The following PDCD4 variants were observed in gnomAD, a reference collection of about 807,000 sequenced individuals.
The protein encoded by PDCD4 is programmed cell death 4, also known as programmed cell death protein 4.
PDCD4 carries 56 observed loss-of-function variants against 54.0 expected under a neutral mutation model. The observed-to-expected ratio is 1.04, with a 90% confidence interval of 0.84 to 1.30. The LOEUF is 1.30. Among genes scored for constraint, PDCD4 ranks in the 50% most tolerant of loss-of-function variants. PDCD4 has a pLI of 0.00. For missense variants in PDCD4, 584 were observed against 559.8 expected (o/e 1.04, Z -0.44); for synonymous variants, 186 against 194.8 (o/e 0.95, Z 0.37).
At chr10:110,886,811 T>C (rs1845676002) in intron 5 of PDCD4, among the ~76,000 whole-genome samples, 3 of 152,188 alleles carry the variant, frequency 2.0e-5, no homozygotes, top group Admixed American at 1.3e-4. Flanking sequence ...GCTATTATAT[T>C]TCTAAAAGGA....
Position 110,898,121 on chromosome 10 carries a change from A to C in PDCD4, c.*33A>C. ...AACTCTTGCAGTCTTAGATGTTATA[A>C]AAATATATATCTGAATTGTAAGAGT... is the stretch of plus-strand genomic sequence containing the variant. On this transcript the variant is annotated 3_prime_UTR_variant, in exon 12 of 12. Coordinates refer to ENST00000280154, the MANE Select transcript of PDCD4 (RefSeq NM_014456.5). 7.7e-7 allele frequency: 1 copy of C among 1,291,222 alleles called. No homozygotes were observed. The highest frequency in any genetic ancestry group is 1.1e-6 in the Non-Finnish European group (1 of 948,280). 80.0% of individuals were successfully genotyped at this position (1,291,222 alleles called of 1,614,324 possible). A position where few individuals can be genotyped will look rare whatever the true frequency, so the allele number is the denominator to read the frequency against.
chr10:110,877,473 G>A (rs1845523307), intron 2 of PDCD4, among the ~76,000 whole-genome samples: 1 of 152,010 alleles, frequency 6.6e-6, no homozygotes, highest in Non-Finnish European at 1.5e-5. Flanking sequence ...GAGATGATAT[G>A]GTTATATTAG....
At chr10:110,874,772 T>C (rs1040404768) in intron 1 of PDCD4, among the ~76,000 whole-genome samples, 8 of 152,140 alleles carry the variant, frequency 5.3e-5, no homozygotes, top group African/African-American at 1.7e-4. Context: ...TATAAACTTA[T>C]GTTAGCAAAT....
At chr10:110,892,923 T>G (rs1845777195) in intron 8 of PDCD4, among the ~76,000 whole-genome samples, 1 of 152,140 alleles carries the variant, frequency 6.6e-6, no homozygotes. Context: ...TTACACTGTT[T>G]TTTATTGTAC....
Position 110,876,081 on chromosome 10 carries a change from A to T in PDCD4, c.43+11A>T, listed in dbSNP as rs745451594. The T allele has an allele frequency of 1.9e-6, 3 of 1,601,924 alleles. No homozygotes were observed. In the African/African-American group the frequency reaches 4.1e-5, roughly 22 times the overall value. On this transcript the variant is annotated intron_variant, in intron 2 of 11. Coordinates refer to ENST00000280154, the MANE Select transcript of PDCD4 (RefSeq NM_014456.5). ...ATGTAAACCCTGCAGGTAAGTAAGG[A>T]TATCCTTTTTTCTTTTTTTCTTCGT...
rs1465374036 is a variant in PDCD4 at position 110,887,729 on chromosome 10, T to TA, written c.621dup (p.Ala208SerfsTer7). On this transcript the variant is annotated frameshift_variant, in exon 6 of 12. Coordinates refer to ENST00000280154, the MANE Select transcript of PDCD4 (RefSeq NM_014456.5). LOFTEE classifies it high-confidence loss of function. ...GGAGTACCAGTGTTGGCAGTATCCT[T>TA]AGCATTGGAGGGGAAGGCTAGTCAT... 1 of 1,613,528 alleles carries TA rather than the reference T, an allele frequency of 6.2e-7. No homozygotes were observed. The highest frequency in any genetic ancestry group is 8.5e-7 in the Non-Finnish European group (1 of 1,179,588).
At chr10:110,885,446 TCTTGGGTCA>T in intron 5 of PDCD4, 80 bp downstream of exon 5, 1 of 612,324 alleles carries the variant, frequency 1.6e-6, no homozygotes, top group East Asian at 2.9e-5. Context: ...TCTACAATGA[TCTTGGGTCA>T]CTGAATAAAT....
rs1455657915 is a variant in PDCD4 at position 110,890,536 on chromosome 10, A to G, written c.876-20A>G. On this transcript the variant is annotated intron_variant, in intron 7 of 11. Coordinates refer to ENST00000280154, the MANE Select transcript of PDCD4 (RefSeq NM_014456.5). ...AGGTATGTCCAGCTATCAAACTTAAATTTTTTTCTTTCTCTGTAGAGCTGC... is the reference window on the plus strand; with the variant it reads ...AGGTATGTCCAGCTATCAAACTTAAGTTTTTTTCTTTCTCTGTAGAGCTGC... 6.6e-7 allele frequency: 1 copy of G among 1,517,280 alleles called. No individual in the cohort carries two copies. Among genetic ancestry groups the G allele is most frequent in the East Asian group, 2.3e-5 (1 of 43,602 alleles). 94.0% of individuals were successfully genotyped at this position (1,517,280 alleles called of 1,614,324 possible).
chr10:110,873,704 C>A (rs1010873678), intron 1 of PDCD4, among the ~76,000 whole-genome samples: 5 of 152,058 alleles, frequency 3.3e-5, no homozygotes, highest in Admixed American at 6.6e-5. Context: ...TGGAAAAAAT[C>A]CTACTACTTT....
In PDCD4 at chr10:110,896,115, A is replaced by G. The variant is rs1322375980; in HGVS notation, c.1349+28A>G. The G allele has an allele frequency of 6.6e-6, 10 of 1,525,936 alleles. No homozygotes were observed. The East Asian group carries it at 6.8e-5, about 10-fold the overall frequency. 94.5% of individuals were successfully genotyped at this position (1,525,936 alleles called of 1,614,324 possible). On this transcript the variant is annotated intron_variant, in intron 11 of 11. Coordinates refer to ENST00000280154, the MANE Select transcript of PDCD4 (RefSeq NM_014456.5). The stretch of plus-strand genomic sequence containing the variant: ...ACTTTATTTAAATACTACTTTCTCA[A>G]TGTAAAATAGTGGATGAGATCTTTG...
intron 6 of PDCD4, among the ~76,000 whole-genome samples, chr10:110,888,582 G>C (rs539417302): frequency 6.6e-6 from 1 of 152,090 alleles, no homozygotes; most frequent in Admixed American, 6.5e-5. Context: ...AACTGCTACT[G>C]GTGTTAAGTT....
intron 2 of PDCD4, among the ~76,000 whole-genome samples, chr10:110,878,308 TGAAAG>T (rs917633954): frequency 2.6e-5 from 4 of 152,286 alleles, no homozygotes; most frequent in African/African-American, 9.6e-5. Flanking sequence ...CAAACATACT[TGAAAG>T]GATGTTAAAA....
At chr10:110,897,198 A>G (rs1845850801) in intron 11 of PDCD4, among the ~76,000 whole-genome samples, 2 of 152,212 alleles carry the variant, frequency 1.3e-5, no homozygotes, top group African/African-American at 2.4e-5. Context: ...CCTCTGTTTG[A>G]AAGTCTGATT....
chr10:110,876,134 C>T (rs546496084), intron 2 of PDCD4, 64 bp downstream of exon 2: 2 of 1,351,894 alleles, frequency 1.5e-6, no homozygotes, highest in Non-Finnish European at 2.1e-6. Flanking sequence ...CTCTGTCACC[C>T]AGGCTGGAGT....
chr10:110,887,738 A>G lies in PDCD4; in HGVS notation c.629A>G (p.Glu210Gly), dbSNP rs754782069. The change falls in exon 6 of 12, where the codon GAG becomes GGG. Residue 210 changes from glutamate to glycine, a missense_variant. Coordinates refer to ENST00000280154, the MANE Select transcript of PDCD4 (RefSeq NM_014456.5). ...VPVLAVSLAL[E>G]GKASHREMTS... ...GTGTTGGCAGTATCCTTAGCATTGG[A>G]GGGGAAGGCTAGTCATAGAGAGATG... The G allele has an allele frequency of 1.2e-6, 2 of 1,613,408 alleles. No homozygotes were observed. The highest frequency in any genetic ancestry group is 2.2e-5 in the South Asian group (2 of 91,064).
Position 110,889,528 on chromosome 10 carries a change from TACA to T in PDCD4, c.778-4_778-2del, listed in dbSNP as rs1845724292. On this transcript the variant is annotated splice_acceptor_variant and splice_polypyrimidine_tract_variant and intron_variant, in intron 6 of 11. Coordinates refer to ENST00000280154, the MANE Select transcript of PDCD4 (RefSeq NM_014456.5). LOFTEE classifies it high-confidence loss of function. ...TTATAGCTCTTTTTTTTTTCCTTTT[TACA>T]GTTGGTGGGCCAGTTTATTGCTAGA... 3 of 1,537,230 alleles carry T rather than the reference TACA, an allele frequency of 2.0e-6. No homozygotes were observed. The highest frequency in any genetic ancestry group is 1.4e-5 in the African/African-American group (1 of 72,156).
chr10:110,896,562 G>GT (rs1233471761), intron 11 of PDCD4, among the ~76,000 whole-genome samples: 1 of 152,112 alleles, frequency 6.6e-6, no homozygotes, highest in Non-Finnish European at 1.5e-5. Flanking sequence ...ACTAGAAAGT[G>GT]TGTGTGTTGG....
chr10:110,877,704 C>A (rs1185138311), intron 2 of PDCD4, among the ~76,000 whole-genome samples: 1 of 152,120 alleles, frequency 6.6e-6, no homozygotes, highest in Non-Finnish European at 1.5e-5. Context: ...AAGACTTGTT[C>A]TTCAATATTT....
intron 4 of PDCD4, among the ~76,000 whole-genome samples, chr10:110,883,794 C>T (rs1398885573): frequency 1.3e-5 from 2 of 151,936 alleles, no homozygotes; most frequent in East Asian, 1.9e-4. Flanking sequence ...GACAGGAAAA[C>T]GTTAAGAGTA....
Sources: allele counts gnomAD v4.1 joint callset (sites outside exome capture counted in the v4.1 genomes callset), GRCh38; gene constraint gnomAD v4.1.1; transcripts MANE v1.5; gene names NCBI Gene and HGNC (gene_info 2026-07-23, HGNC 2026-07-21).